ASB6: variants seen among roughly 807,000 people sequenced by gnomAD.
The protein encoded by ASB6 is ankyrin repeat and SOCS box protein 6.
Under a neutral mutation model 28.6 loss-of-function variants are expected in ASB6, and 24 were observed. The ratio of observed to expected loss-of-function variants is 0.84; its 90% CI spans 0.61 to 1.18. ASB6 has a LOEUF of 1.18. Ranked by LOEUF, ASB6 falls within the 50% of genes most tolerant of loss-of-function variation. The probability of loss-of-function intolerance (pLI) is 0.00; values close to 1 mark genes in which losing one functional copy is unlikely to be tolerated. For synonymous variants in ASB6, 267 were observed against 243.4 expected (o/e 1.10, Z -0.90); for missense variants, 519 against 559.8 (o/e 0.93, Z 0.74).
rs2119019496 is a variant in ASB6, at chr9:129,641,882, G to A, written c.113+5C>T. 2 of 1,586,760 alleles carry A rather than the reference G, an allele frequency of 1.3e-6. No individual in the cohort carries two copies. ...TCGGCCAGCTCACGGGAGGGGGTGA[G>A]TTACCGGTCCAGAGACTCCTGCCGC... On this transcript the variant is annotated splice_donor_5th_base_variant and intron_variant, in intron 1 of 5. Transcript: ENST00000277458.
At chr9:129,640,165 G>GA (rs1012357684) in intron 2 of ASB6, among the ~76,000 whole-genome samples, 92 of 145,046 alleles carry the variant, frequency 6.3e-4, no homozygotes, top group South Asian at 3.2e-3. Flanking sequence ...TACGGCATGA[G>GA]AAAAAAAAAA....
At chr9:129,639,099 G>T in intron 4 of ASB6, 103 bp downstream of exon 4, 1 of 1,162,206 alleles carries the variant, frequency 8.6e-7, no homozygotes, top group Non-Finnish European at 1.2e-6. Context: ...GCCAGGGCCA[G>T]CATCCAGTCT....
In ASB6 at chr9:129,635,181, T is replaced by G. The variant is rs1174990851; in HGVS notation, c.*2609A>C. 2.5e-6 allele frequency: 4 copies of G among 1,594,962 alleles called. No homozygotes were observed. The highest frequency in any genetic ancestry group is 3.4e-6 in the Non-Finnish European group (4 of 1,174,340). On this transcript the variant is annotated 3_prime_UTR_variant, in exon 6 of 6. Transcript: ENST00000277458. The stretch of plus-strand genomic sequence containing the variant: ...GCCGACATCCGCTTGCATGGTGCCC[T>G]GGTAACCTTGCCTCTGCCCTCCCCA...
chr9:129,641,910 G>T lies in ASB6; in HGVS notation c.90C>A (p.Pro30=), dbSNP rs777985580. The T allele has an allele frequency of 6.3e-7, 1 of 1,599,854 alleles. No individual in the cohort carries two copies. Among genetic ancestry groups the T allele is most frequent in the South Asian group, 1.1e-5 (1 of 89,022 alleles). The change falls in exon 1 of 6, where the codon CCC becomes CCA. Residue 30 remains proline (P), a synonymous_variant. Coordinates refer to ENST00000277458, the MANE Select transcript of ASB6 (RefSeq NM_017873.4). The part of the protein sequence containing the change: ...AILGSLGIQD[P]ERQESLDRPS... Reference sequence around the variant, plus strand: ...ACCGGTCCAGAGACTCCTGCCGCTCGGGGTCCTGGATCCCCAGGGAGCCCA... The same window carrying T: ...ACCGGTCCAGAGACTCCTGCCGCTCTGGGTCCTGGATCCCCAGGGAGCCCA...
At position 129,639,432 on chromosome 9, in the gene ASB6, A is replaced by T. The variant is rs745657553; in HGVS notation, c.372T>A (p.His124Gln). The T allele has an allele frequency of 1.2e-6, 2 of 1,613,576 alleles. No homozygotes were observed. Among genetic ancestry groups the T allele is most frequent in the Non-Finnish European group, 1.7e-6 (2 of 1,179,654 alleles). ...NQPDMVELLV[H>Q]HGADVNRRDR... ...CCCTCCGATTAACGTCGGCCCCGTG[A>T]TGCACCAGCAGCTCCACCATGTCCG... Residue 124 changes from histidine (H) to glutamine (Q), a missense_variant, in exon 3 of 6, where the codon CAT becomes CAA. Coordinates refer to ENST00000277458, the MANE Select transcript of ASB6 (RefSeq NM_017873.4).
Position 129,640,564 on chromosome 9 carries a change from T to C in ASB6, c.272A>G (p.His91Arg), listed in dbSNP as rs1831670922. Residue 91 changes from histidine (H) to arginine (R), a missense_variant, in exon 2 of 6, where the codon CAT becomes CGT. His to Arg is a conservative substitution (Grantham distance 29). Coordinates refer to ENST00000277458, the MANE Select transcript of ASB6 (RefSeq NM_017873.4). ...ACCTTCAAAGTTGAGATTGGCCCCA[T>C]GCCGCAAGAGAACGTCGGCCGCCCG... ...LTRAADVLLR[H>R]GANLNFEDPV... The C allele has an allele frequency of 1.2e-6, 2 of 1,611,422 alleles. No homozygotes were observed. The highest frequency in any genetic ancestry group is 2.2e-5 in the East Asian group (1 of 44,830).
chr9:129,639,174 G>A (rs889245470), intron 4 of ASB6, 28 bp downstream of exon 4: 11 of 1,579,108 alleles, frequency 7.0e-6, no homozygotes, highest in African/African-American at 4.0e-5. Context: ...GGGCCCAGCT[G>A]TCCTGCTTTC....
At position 129,635,134 on chromosome 9, in the gene ASB6, T is replaced by TGAGAAGA; in HGVS notation, c.*2655_*2656insTCTTCTC. ...GCACAAATGAGGGGCTCAGCGGGGC[T>TGAGAAGA]GAGAAGTACATCCCATCCAGTGCCG... On this transcript the variant is annotated 3_prime_UTR_variant, in exon 6 of 6. Coordinates refer to ENST00000277458, the MANE Select transcript of ASB6 (RefSeq NM_017873.4). The TGAGAAGA allele has an allele frequency of 6.5e-7, 1 of 1,536,522 alleles. No homozygotes were observed. Among genetic ancestry groups the TGAGAAGA allele is most frequent in the Non-Finnish European group, 8.8e-7 (1 of 1,140,408 alleles).
chr9:129,639,400 A>G lies in ASB6; in HGVS notation c.402+2T>C. The G allele has an allele frequency of 6.2e-7, 1 of 1,609,228 alleles. No homozygotes were observed. The highest frequency in any genetic ancestry group is 8.5e-7 in the Non-Finnish European group (1 of 1,176,446). ...TCAAAGCAAGCTGGACCTGGCACTT[A>G]CCCGGTCCCTCCGATTAACGTCGGC... On this transcript the variant is annotated splice_donor_variant, in intron 3 of 5. Transcript: ENST00000277458. LOFTEE classifies it high-confidence loss of function.
chr9:129,635,448 G>C lies in ASB6; in HGVS notation c.*2342C>G. On this transcript the variant is annotated 3_prime_UTR_variant, in exon 6 of 6. Transcript: ENST00000277458. ...CCCGATGAGATCTACCATGTCTATA[G>C]CTTTGCCCTGAGATGAGCCGGGGCT... is the stretch of plus-strand genomic sequence containing the variant. 5 of 1,612,076 alleles carry C rather than the reference G, an allele frequency of 3.1e-6. No homozygotes were observed. The highest frequency in any genetic ancestry group is 4.2e-6 in the Non-Finnish European group (5 of 1,179,044).
Position 129,636,755 on chromosome 9 carries a change from T to G in ASB6, c.*1035A>C, listed in dbSNP as rs970122273. 2 of 151,974 alleles carry G rather than the reference T, an allele frequency of 1.3e-5. No homozygotes were observed. The highest frequency in any genetic ancestry group is 2.1e-4 in the South Asian group (1 of 4,814). The allele number at this position is 151,974 out of a possible 1,614,324, so 9.4% of individuals were successfully genotyped here. ...GCCCTTGCCAGTCTAGAGTGGTGCT[T>G]CTTTGCAGGGACTTGGAAACAACCC... On this transcript the variant is annotated 3_prime_UTR_variant, in exon 6 of 6. Coordinates refer to ENST00000277458, the MANE Select transcript of ASB6 (RefSeq NM_017873.4).
chr9:129,638,792 G>GTGAGGGC (rs2119010929), intron 4 of ASB6, 133 bp from the exon 5 acceptor site: 5 of 761,586 alleles, frequency 6.6e-6, no homozygotes, highest in South Asian at 6.3e-5. Flanking sequence ...CTCAGCTCAG[G>GTGAGGGC]TGAGGGCTGA....
In ASB6 at chr9:129,639,214, C is replaced by T. The variant is rs754625342; in HGVS notation, c.499G>A (p.Ala167Thr). ...AGGAGGCACCCACCATGCTTGTCAG[C>T]GGCATTGACATCAGCTCCAAGGTCC... ...LLDLGADVNAADKHGKTALLH... is the reference protein window; with the variant it reads ...LLDLGADVNATDKHGKTALLH... Residue 167 changes from alanine (A) to threonine (T), a missense_variant, in exon 4 of 6, where the codon GCT becomes ACT. Transcript: ENST00000277458. The T allele has an allele frequency of 5.0e-5, 81 of 1,607,350 alleles. No individual in the cohort carries two copies. Among genetic ancestry groups the T allele is most frequent in the Admixed American group, 2.5e-4 (15 of 59,500 alleles).
chr9:129,640,424 T>G, intron 2 of ASB6, 117 bp downstream of exon 2: 1 of 1,365,306 alleles, frequency 7.3e-7, no homozygotes, highest in Non-Finnish European at 9.6e-7. Flanking sequence ...ACCCAGGAAA[T>G]AAAGGGGGGG....
At position 129,637,660 on chromosome 9, in the gene ASB6, C is replaced by G. The variant is rs1831588227; in HGVS notation, c.*130G>C. The G allele has an allele frequency of 1.7e-5, 16 of 960,818 alleles. No individual in the cohort carries two copies. In the East Asian group the frequency reaches 4.4e-4, roughly 26 times the overall value. The allele number at this position is 960,818 out of a possible 1,614,324, so 59.5% of individuals were successfully genotyped here. ...GATCACAGCTTCAGGCTCTACCTGG[C>G]TGGCTTTTCTCATGAAGGATCCCGT... On this transcript the variant is annotated 3_prime_UTR_variant, in exon 6 of 6. Transcript: ENST00000277458.
chr9:129,638,112 TC>T lies in ASB6; in HGVS notation c.943del (p.Glu315LysfsTer20). 1.2e-6 allele frequency: 2 copies of T among 1,614,180 alleles called. No homozygotes were observed. Among genetic ancestry groups the T allele is most frequent in the Non-Finnish European group, 1.7e-6 (2 of 1,180,038 alleles). ...ERLCSHPGCTEDESHADLLRK... is the reference protein window; with the variant it reads ...ERLCSHPGCTXDESHADLLRK... ...CAGGAGGTCCGCATGGCTCTCGTCTTCCGTGCAGCCTGGGTGGGAACAGAGC... is the reference window on the plus strand; with the variant it reads ...CAGGAGGTCCGCATGGCTCTCGTCTTCGTGCAGCCTGGGTGGGAACAGAGC... On this transcript the variant is annotated frameshift_variant, in exon 6 of 6. Coordinates refer to ENST00000277458, the MANE Select transcript of ASB6 (RefSeq NM_017873.4). LOFTEE classifies it high-confidence loss of function.
At chr9:129,638,797 G>C in intron 4 of ASB6, 138 bp from the exon 5 acceptor site, 1 of 727,906 alleles carries the variant, frequency 1.4e-6, no homozygotes, top group Non-Finnish European at 2.3e-6. Flanking sequence ...CTCAGGTGAG[G>C]GCTGAGGGTG....
Position 129,638,425 on chromosome 9 carries a change from C to T in ASB6, c.631G>A (p.Asp211Asn). 1 of 1,612,280 alleles carries T rather than the reference C, an allele frequency of 6.2e-7. No individual in the cohort carries two copies. Among genetic ancestry groups the T allele is most frequent in the Non-Finnish European group, 8.5e-7 (1 of 1,178,788 alleles). The change falls in exon 6 of 6, where the codon GAC (aspartate) becomes AAC (asparagine). Residue 211 changes from aspartate to asparagine, a missense_variant. By Grantham distance (23) the Asp-to-Asn change is conservative. Transcript: ENST00000277458. ...AAGATGATGCAGGTGAACACTGTGT[C>T]CCCATCTTTGGTGGTGGCCTTGACG... Reference protein sequence around the residue: ...ADVKATTKDGDTVFTCIIFLL... With the variant: ...ADVKATTKDGNTVFTCIIFLL...
Position 129,635,177 on chromosome 9 carries a change from G to A in ASB6, c.*2613C>T. The A allele has an allele frequency of 2.5e-6, 4 of 1,592,182 alleles. No homozygotes were observed. Among genetic ancestry groups the A allele is most frequent in the Non-Finnish European group, 3.4e-6 (4 of 1,172,812 alleles). On this transcript the variant is annotated 3_prime_UTR_variant, in exon 6 of 6. Transcript: ENST00000277458. Reference sequence around the variant, plus strand: ...CAGTGCCGACATCCGCTTGCATGGTGCCCTGGTAACCTTGCCTCTGCCCTC... The same window carrying A: ...CAGTGCCGACATCCGCTTGCATGGTACCCTGGTAACCTTGCCTCTGCCCTC...
Sources: allele counts gnomAD v4.1 joint callset (sites outside exome capture counted in the v4.1 genomes callset), GRCh38; gene constraint gnomAD v4.1.1; transcripts MANE v1.5; gene names NCBI Gene and HGNC (gene_info 2026-07-23, HGNC 2026-07-21).